The following COG4 variants were observed in gnomAD, a reference collection of about 807,000 sequenced individuals.
COG4 encodes conserved oligomeric Golgi complex subunit 4.
A neutral mutation model predicts 95.1 loss-of-function variants in COG4; 65 were observed. The ratio of observed to expected loss-of-function variants is 0.68; its 90% confidence interval spans 0.56 to 0.84. The LOEUF is 0.84. Among genes scored for constraint, COG4 ranks in the 40% least tolerant of loss-of-function variants. The pLI is 0.00. For missense variants in COG4, 1,045 were observed against 989.1 expected (o/e 1.06, Z -0.76); for synonymous variants, 421 against 374.8 (o/e 1.12, Z -1.42).
intron 9 of COG4, 124 bp from the exon 10 acceptor site, chr16:70,498,179 C>T (rs540251916): frequency 4.3e-6 from 3 of 699,546 alleles, no homozygotes; most frequent in Non-Finnish European, 7.9e-6. Context: ...TACATCGTTA[C>T]AATCATGATA....
chr16:70,512,094 AGTCCT>A, intron 5 of COG4, 140 bp downstream of exon 5: 1 of 784,918 alleles, frequency 1.3e-6, no homozygotes, highest in Non-Finnish European at 2.2e-6. Flanking sequence ...ACATGCATCC[AGTCCT>A]GCATGGCTAC....
At chr16:70,499,903 G>A (rs11646119) in intron 9 of COG4, among the ~76,000 whole-genome samples, 121 of 152,210 alleles carry the variant, frequency 7.9e-4, no homozygotes, top group Non-Finnish European at 1.2e-3. Context: ...CTTGTGATCC[G>A]CCTGCCTCGG....
rs527340463 is a variant in COG4, at chr16:70,518,568, G to A, written c.255-828C>T. The stretch of plus-strand genomic sequence containing the variant: ...TTTTATTTTTTTGTTTTTGAGACAG[G>A]GTCAAAAGTGATCCTCTAGATGAGG... On this transcript the variant is annotated intron_variant, in intron 2 of 18. Coordinates refer to ENST00000323786, the MANE Select transcript of COG4 (RefSeq NM_015386.3). Among the ~76,000 whole-genome samples the A allele has an allele frequency of 2.6e-5, 4 of 151,800 alleles. No individual in the cohort carries two copies. In the South Asian group the frequency reaches 8.3e-4, roughly 32 times the overall value.
rs1291113555 is a variant in COG4 at position 70,503,888 on chromosome 16, C to A, written c.1062-2797G>T. Among the ~76,000 whole-genome samples, 4 of 152,066 alleles carry A rather than the reference C, an allele frequency of 2.6e-5. 2 individuals carry two copies. Among genetic ancestry groups the A allele is most frequent in the African/African-American group, 9.7e-5 (4 of 41,334 alleles). ...GGATTACAGGCGTGAGCCACCGCGC[C>A]CGGCCAACTCCTACTTACTCTTAAG... On this transcript the variant is annotated intron_variant, in intron 8 of 18. Coordinates refer to ENST00000323786, the MANE Select transcript of COG4 (RefSeq NM_015386.3).
intron 13 of COG4, among the ~76,000 whole-genome samples, chr16:70,488,254 C>A (rs1395771600): frequency 6.6e-6 from 1 of 151,908 alleles, no homozygotes; most frequent in East Asian, 1.9e-4. Flanking sequence ...CTGCCTCAGC[C>A]TCCTGAGTAG....
chr16:70,482,896 C>T (rs1255151407), intron 14 of COG4, 75 bp from the exon 15 acceptor site: 6 of 1,119,526 alleles, frequency 5.4e-6, no homozygotes, highest in Non-Finnish European at 8.1e-6. Context: ...CTCCCCATCC[C>T]TTCCCTCTAT....
chr16:70,492,690 C>T (rs563681651), intron 12 of COG4, among the ~76,000 whole-genome samples: 10 of 149,384 alleles, frequency 6.7e-5, no homozygotes, highest in Non-Finnish European at 1.2e-4. Flanking sequence ...AGCATGGGCA[C>T]GGTGGCTCAC....
intron 1 of COG4, among the ~76,000 whole-genome samples, chr16:70,522,201 G>A (rs1184666363): frequency 1.3e-5 from 2 of 150,856 alleles, no homozygotes; most frequent in Non-Finnish European, 2.9e-5. Context: ...TCACCATTTT[G>A]GTCATGCTGG....
rs761679679 is a variant in COG4, at chr16:70,514,427, C to G, written c.452G>C (p.Arg151Thr). The change falls in exon 4 of 19, where the codon AGG becomes ACG. Residue 151 changes from arginine (R) to threonine (T), a missense_variant. By Grantham distance (71) the Arg-to-Thr change is moderately conservative (BLOSUM62 -1). Transcript: ENST00000323786. ...TGCAGCCTGCTCATAATCTTCACTC[C>G]TCAAAGCAGTCTGAACTCCATCCAT... ...FCMDGVQTALRSEDYEQAAAH... is the reference protein window; with the variant it reads ...FCMDGVQTALTSEDYEQAAAH... The G allele has an allele frequency of 1.9e-6, 3 of 1,614,064 alleles. No individual in the cohort carries two copies. The South Asian group carries it at 3.3e-5, about 18-fold the overall frequency.
At chr16:70,497,184 C>G (rs2049356605) in intron 11 of COG4, 37 bp downstream of exon 11, 3 of 1,608,382 alleles carry the variant, frequency 1.9e-6, no homozygotes, top group Non-Finnish European at 2.6e-6. Flanking sequence ...CAGGAAGGGC[C>G]TTTCTGCCTA....
At chr16:70,502,841 A>G (rs546859593) in intron 8 of COG4, among the ~76,000 whole-genome samples, 4 of 152,314 alleles carry the variant, frequency 2.6e-5, no homozygotes, top group South Asian at 4.1e-4. Context: ...GAATAGATAT[A>G]TGGATTAATG....
At chr16:70,508,550 C>A (rs778056787) in intron 7 of COG4, 86 bp from the exon 8 acceptor site, 149 of 1,169,104 alleles carry the variant, frequency 1.3e-4, no homozygotes, top group Non-Finnish European at 1.9e-4. Flanking sequence ...TTTTGGCATA[C>A]AAGAACATTT....
rs34101495 is a variant in COG4 at position 70,489,220 on chromosome 16, A to AT, written c.1710+1109dup. Among the ~76,000 whole-genome samples the AT allele has an allele frequency of 8.7e-3, 1,227 of 141,792 alleles. 15 individuals carry two copies. Among genetic ancestry groups the AT allele is most frequent in the African/African-American group, 0.024 (939 of 38,872 alleles). The allele number at this position is 141,792 out of a possible 152,430, so 93.0% of individuals were successfully genotyped here. A position where few individuals can be genotyped will look rare whatever the true frequency, so the allele number is the denominator to read the frequency against. ...TTTTTATAAGGTGCTTTTGATCCTG[A>AT]TTTTTTTTTTTTTTTTGAGACAGAA... is the stretch of plus-strand genomic sequence containing the variant. On this transcript the variant is annotated intron_variant, in intron 13 of 18. Transcript: ENST00000323786.
chr16:70,502,624 T>C (rs982262154), intron 8 of COG4, among the ~76,000 whole-genome samples: 2 of 150,694 alleles, frequency 1.3e-5, no homozygotes, highest in African/African-American at 2.5e-5. Context: ...AAATTATCAG[T>C]GTCTCATGTG....
intron 9 of COG4, among the ~76,000 whole-genome samples, chr16:70,499,253 A>G (rs985950547): frequency 6.6e-6 from 1 of 152,146 alleles, no homozygotes; most frequent in Non-Finnish European, 1.5e-5. Flanking sequence ...AATTGTAATT[A>G]AATTTGAATT....
At chr16:70,507,855 C>CG (rs2049610854) in intron 8 of COG4, among the ~76,000 whole-genome samples, 1 of 148,376 alleles carries the variant, frequency 6.7e-6, no homozygotes, top group Non-Finnish European at 1.5e-5. Flanking sequence ...GAGTGAGACT[C>CG]TGTCTCAAAA....
chr16:70,516,055 T>C (rs7185462), intron 3 of COG4: 33,012 of 455,764 alleles, frequency 0.072, 8,775 homozygotes, highest in African/African-American at 0.58. Flanking sequence ...CACGAAAGGA[T>C]ATTGAATTTT....
At chr16:70,520,077 G>A (rs992104277) in intron 1 of COG4, among the ~76,000 whole-genome samples, 1 of 152,054 alleles carries the variant, frequency 6.6e-6, no homozygotes, top group African/African-American at 2.4e-5. Context: ...CCAGGTGGGT[G>A]GATCACCTGA....
In COG4 at chr16:70,514,347, G is replaced by A; in HGVS notation, c.532C>T (p.Gln178Ter). The A allele has an allele frequency of 1.2e-6, 2 of 1,614,144 alleles. No individual in the cohort carries two copies. The highest frequency in any genetic ancestry group is 1.1e-5 in the South Asian group (1 of 91,070). ...TTCGGATGCTGACCCTCTTTGCCCT[G>A]TCGGCTGAGCTCAATGACCGACTTG... ...LDKSVIELSRQGKEGSMIDAN... is the reference protein window; with the variant it reads ...LDKSVIELSR The change falls in exon 4 of 19, where the codon CAG becomes TAG. Residue 178 changes from glutamine to a stop codon, truncating the protein, a stop_gained. Transcript: ENST00000323786. LOFTEE classifies it high-confidence loss of function.
Sources: allele counts gnomAD v4.1 joint callset (sites outside exome capture counted in the v4.1 genomes callset), GRCh38; gene constraint gnomAD v4.1.1; transcripts MANE v1.5; gene names NCBI Gene and HGNC (gene_info 2026-07-23, HGNC 2026-07-21).